Variants in KCND3 observed in about 807,000 individuals in gnomAD.
The protein encoded by KCND3 is A-type voltage-gated potassium channel KCND3.
KCND3 carries 9 observed loss-of-function variants against 51.1 expected under a neutral mutation model. The ratio of observed to expected loss-of-function variants is 0.18; its 90% CI spans 0.11 to 0.31. KCND3 has a LOEUF of 0.31. Ranked by LOEUF, KCND3 falls within the 10% of genes least tolerant of loss-of-function variation. KCND3 has a pLI of 1.00. For missense variants in KCND3, 526 were observed against 903.8 expected (o/e 0.58, Z 5.36); for synonymous variants, 349 against 368.0 (o/e 0.95, Z 0.59).
intron 2 of KCND3, among the ~76,000 whole-genome samples, chr1:111,961,747 C>T (rs1293602024): frequency 2.0e-5 from 3 of 152,152 alleles, no homozygotes; most frequent in African/African-American, 7.2e-5. Context: ...AGAGCATCCA[C>T]CAGGAAATAG....
At position 111,812,175 on chromosome 1, in the gene KCND3, G is replaced by A. The variant is rs368719875; in HGVS notation, c.1107-25069C>T. Among the ~76,000 whole-genome samples the A allele has an allele frequency of 2.2e-4, 34 of 152,352 alleles. 3 individuals carry two copies. In the East Asian group the frequency reaches 2.7e-3, roughly 12 times the overall value. ...TTCTGTGAAAGGAAGGGCCTGGACAGCTGATCTTCACCGACAGTGATGACA... is the reference window on the plus strand; with the variant it reads ...TTCTGTGAAAGGAAGGGCCTGGACAACTGATCTTCACCGACAGTGATGACA... On this transcript the variant is annotated intron_variant, in intron 2 of 7. Coordinates refer to ENST00000302127, the MANE Select transcript of KCND3 (RefSeq NM_001378969.1).
intron 2 of KCND3, among the ~76,000 whole-genome samples, chr1:111,809,149 G>C (rs1665716480): frequency 6.6e-6 from 1 of 152,184 alleles, no homozygotes. Flanking sequence ...GTGGGCCCTG[G>C]GCCGCTGTTG....
rs1243597919 is a variant in KCND3, at chr1:111,814,108, C to G, written c.1107-27002G>C. ...TAAATAACGGAAATGGTCTTGCCAG[C>G]AGGAAGCCCACAATCCAAGACAGAT... On this transcript the variant is annotated intron_variant, in intron 2 of 7. Coordinates refer to ENST00000302127, the MANE Select transcript of KCND3 (RefSeq NM_001378969.1). 2.0e-5 allele frequency among the ~76,000 whole-genome samples: 3 copies of G among 152,244 alleles called. 1 individual carries two copies. The highest frequency in any genetic ancestry group is 4.4e-5 in the Non-Finnish European group (3 of 68,044).
chr1:111,806,744 G>C (rs895319102), intron 2 of KCND3, among the ~76,000 whole-genome samples: 3 of 152,168 alleles, frequency 2.0e-5, no homozygotes, highest in African/African-American at 7.2e-5. Context: ...AACTCAAAGA[G>C]GTGAGCCCAG....
chr1:111,798,112 G>A (rs1665136210), intron 2 of KCND3, among the ~76,000 whole-genome samples: 2 of 152,164 alleles, frequency 1.3e-5, no homozygotes, highest in South Asian at 4.1e-4. Context: ...AGAATCTTGG[G>A]GTGAGGCTCA....
chr1:111,980,698 T>C (rs1674902084), intron 2 of KCND3, among the ~76,000 whole-genome samples: 1 of 152,204 alleles, frequency 6.6e-6, no homozygotes. Context: ...TATGTTTCCA[T>C]AAAGCCACCT....
At chr1:111,817,455 T>C (rs1295268044) in intron 2 of KCND3, among the ~76,000 whole-genome samples, 1 of 152,174 alleles carries the variant, frequency 6.6e-6, no homozygotes, top group East Asian at 1.9e-4. Flanking sequence ...ATGTTTAACA[T>C]AGCATTGTTT....
rs560747366 is a variant in KCND3 at position 111,872,417 on chromosome 1, T to C, written c.1107-85311A>G. ...TGTTTAATTTTGTTAAATCCAATGT[T>C]TTCTAAATTTATTTGACCTGTGAAC... is the stretch of plus-strand genomic sequence containing the variant. On this transcript the variant is annotated intron_variant, in intron 2 of 7. Transcript: ENST00000302127. 3.3e-3 allele frequency among the ~76,000 whole-genome samples: 499 copies of C among 152,360 alleles called. 7 individuals are homozygous for C. Among genetic ancestry groups the C allele is most frequent in the African/African-American group, 0.012 (488 of 41,584 alleles).
intron 2 of KCND3, among the ~76,000 whole-genome samples, chr1:111,912,419 T>C (rs148222755): frequency 2.0e-5 from 3 of 152,374 alleles, no homozygotes; most frequent in African/African-American, 7.2e-5. Flanking sequence ...TATAATTATG[T>C]ACAGCACATA....
chr1:111,973,603 G>T (rs1295403906), intron 2 of KCND3, among the ~76,000 whole-genome samples: 1 of 152,234 alleles, frequency 6.6e-6, no homozygotes, highest in Non-Finnish European at 1.5e-5. Flanking sequence ...TAGGGGGGAA[G>T]TTCCCCTTTT....
chr1:111,932,027 G>C (rs150416202), intron 2 of KCND3, among the ~76,000 whole-genome samples: 4 of 152,230 alleles, frequency 2.6e-5, no homozygotes, highest in African/African-American at 9.6e-5. Context: ...GTTAGCCCTT[G>C]GCTTGTGGCC....
intron 2 of KCND3, among the ~76,000 whole-genome samples, chr1:111,921,285 C>T (rs928957835): frequency 3.3e-5 from 5 of 152,208 alleles, no homozygotes; most frequent in African/African-American, 1.2e-4. Context: ...TTTGCTTTTA[C>T]AGCCGTACAG....
At chr1:111,942,155 C>T (rs1458727166) in intron 2 of KCND3, among the ~76,000 whole-genome samples, 1 of 152,158 alleles carries the variant, frequency 6.6e-6, no homozygotes, top group Non-Finnish European at 1.5e-5. Flanking sequence ...TACTACGAGC[C>T]AGGTCCTGTA....
At chr1:111,959,102 C>T (rs1673496261) in intron 2 of KCND3, among the ~76,000 whole-genome samples, 1 of 152,170 alleles carries the variant, frequency 6.6e-6, no homozygotes, top group African/African-American at 2.4e-5. Context: ...TTCTGAAATT[C>T]CAAGAGCTGG....
rs1664036028 is a variant in KCND3 at position 111,774,646 on chromosome 1, A to G, written c.*1431T>C. On this transcript the variant is annotated 3_prime_UTR_variant, in exon 8 of 8. Transcript: ENST00000302127. ...CTCTTCAGACATCAAGGCATCTTTCATAGCAGGTAAGAATCATCTAGAATC... is the reference window on the plus strand; with the variant it reads ...CTCTTCAGACATCAAGGCATCTTTCGTAGCAGGTAAGAATCATCTAGAATC... 6.6e-6 allele frequency: 1 copy of G among 152,268 alleles called. No individual in the cohort carries two copies. The highest frequency in any genetic ancestry group is 1.5e-5 in the Non-Finnish European group (1 of 68,050). 9.4% of individuals were successfully genotyped at this position (152,268 alleles called of 1,614,324 possible).
chr1:111,952,588 C>T (rs760144134), intron 2 of KCND3, among the ~76,000 whole-genome samples: 10 of 152,180 alleles, frequency 6.6e-5, no homozygotes, highest in Admixed American at 1.3e-4. Context: ...CCCTCACAAC[C>T]GAGGTAGCTG....
At chr1:111,869,904 AAC>A (rs35756898) in intron 2 of KCND3, among the ~76,000 whole-genome samples, 1 of 151,058 alleles carries the variant, frequency 6.6e-6, no homozygotes, top group East Asian at 1.9e-4. Flanking sequence ...CAAAAGAATG[AAC>A]ACACACACAC....
chr1:111,846,599 A>G (rs1667562201), intron 2 of KCND3, among the ~76,000 whole-genome samples: 1 of 152,270 alleles, frequency 6.6e-6, no homozygotes, highest in Non-Finnish European at 1.5e-5. Flanking sequence ...TGGCCTCTTC[A>G]TGCTTCCCCT....
Position 111,775,784 on chromosome 1 carries a change from C to T in KCND3, c.*293G>A. Reference sequence around the variant, plus strand: ...GAGGCTCCTCCATCCAGGCCCTGTCCTGGCACATAGCCTATATCCCCCGGC... The same window carrying T: ...GAGGCTCCTCCATCCAGGCCCTGTCTTGGCACATAGCCTATATCCCCCGGC... On this transcript the variant is annotated 3_prime_UTR_variant, in exon 8 of 8. Coordinates refer to ENST00000302127, the MANE Select transcript of KCND3 (RefSeq NM_001378969.1). 2 of 481,126 alleles carry T rather than the reference C, an allele frequency of 4.2e-6. No individual in the cohort carries two copies. The highest frequency in any genetic ancestry group is 3.8e-6 in the Non-Finnish European group (1 of 260,948). 29.8% of individuals were successfully genotyped at this position (481,126 alleles called of 1,614,324 possible). A position where few individuals can be genotyped will look rare whatever the true frequency, so the allele number is the denominator to read the frequency against.
Sources: allele counts gnomAD v4.1 joint callset (sites outside exome capture counted in the v4.1 genomes callset), GRCh38; gene constraint gnomAD v4.1.1; transcripts MANE v1.5; gene names NCBI Gene and HGNC (gene_info 2026-07-23, HGNC 2026-07-21).